RAB3C: variants seen among roughly 807,000 people sequenced by gnomAD.
RAB3C encodes RAB3C, member RAS oncogene family, also known as ras-related protein Rab-3C.
Under a neutral mutation model 26.4 loss-of-function variants are expected in RAB3C, and 17 were observed. The ratio of observed to expected loss-of-function variants is 0.64; its 90% CI spans 0.44 to 0.97. The LOEUF (loss-of-function observed/expected upper bound fraction) is 0.97, where lower values mean the gene tolerates loss of function less well. Among genes scored for constraint, RAB3C ranks in the 50% least tolerant of loss-of-function variants. RAB3C has a pLI of 0.00. For missense variants in RAB3C, 242 were observed against 281.9 expected (o/e 0.86, Z 1.01); for synonymous variants, 91 against 95.9 (o/e 0.95, Z 0.30).
intron 2 of RAB3C, among the ~76,000 whole-genome samples, chr5:58,724,427 A>C (rs1740837899): frequency 6.6e-6 from 1 of 151,722 alleles, no homozygotes; most frequent in South Asian, 2.1e-4. Flanking sequence ...CAATTAAATA[A>C]ACTGAGACTG....
At chr5:58,772,966 A>G (rs1408846064) in intron 3 of RAB3C, among the ~76,000 whole-genome samples, 1 of 152,164 alleles carries the variant, frequency 6.6e-6, no homozygotes, top group Non-Finnish European at 1.5e-5. Flanking sequence ...AACCCAAAAG[A>G]AGCAGGCATT....
chr5:58,605,835 G>T, intron 1 of RAB3C, among the ~76,000 whole-genome samples: 1 of 152,314 alleles, frequency 6.6e-6, no homozygotes, highest in South Asian at 2.1e-4. Context: ...CACCCGGGAG[G>T]TAGAGGTTGC....
At chr5:58,661,287 G>C (rs900968533) in intron 2 of RAB3C, among the ~76,000 whole-genome samples, 2 of 150,000 alleles carry the variant, frequency 1.3e-5, no homozygotes, top group African/African-American at 5.1e-5. Flanking sequence ...ATAAATGACT[G>C]CATCAAAATA....
chr5:58,690,457 A>G (rs1748547427), intron 2 of RAB3C, among the ~76,000 whole-genome samples: 1 of 152,116 alleles, frequency 6.6e-6, no homozygotes, highest in African/African-American at 2.4e-5. Context: ...TGGCTTCTGT[A>G]CTCACATGTC....
At chr5:58,650,843 T>G (rs540256124) in intron 2 of RAB3C, among the ~76,000 whole-genome samples, 1 of 152,120 alleles carries the variant, frequency 6.6e-6, no homozygotes, top group Non-Finnish European at 1.5e-5. Flanking sequence ...TCTTGTACAT[T>G]CCGGTAAGAA....
intron 2 of RAB3C, among the ~76,000 whole-genome samples, chr5:58,679,146 A>G (rs1183711865): frequency 6.6e-6 from 1 of 152,154 alleles, no homozygotes; most frequent in Non-Finnish European, 1.5e-5. Flanking sequence ...GGAGTGGAGG[A>G]AAGGAGGAAA....
rs117401790 is a variant in RAB3C at position 58,657,460 on chromosome 5, C to T, written c.252+39590C>T. On this transcript the variant is annotated intron_variant, in intron 2 of 4. Transcript: ENST00000282878. ...TGACATTTGAGAGAGATCTGAATGA[C>T]GATGTGTGCATCATGTGAAGATTGG... Among the ~76,000 whole-genome samples the T allele has an allele frequency of 3.6e-3, 543 of 151,708 alleles. 21 individuals carry two copies. The East Asian group carries it at 0.093, about 26-fold the overall frequency.
At chr5:58,613,954 C>G (rs1185857322) in intron 1 of RAB3C, among the ~76,000 whole-genome samples, 1 of 152,046 alleles carries the variant, frequency 6.6e-6, no homozygotes, top group East Asian at 1.9e-4. Context: ...GGCTTCTTCA[C>G]AGCATAGTAA....
At chr5:58,620,172 C>A (rs1274224169) in intron 2 of RAB3C, among the ~76,000 whole-genome samples, 2 of 152,284 alleles carry the variant, frequency 1.3e-5, no homozygotes, top group African/African-American at 2.4e-5. Context: ...CCCACACTCC[C>A]ATCAGGGTTC....
chr5:58,664,513 A>G (rs1004656358), intron 2 of RAB3C, among the ~76,000 whole-genome samples: 5 of 152,134 alleles, frequency 3.3e-5, no homozygotes, highest in African/African-American at 1.2e-4. Context: ...TAAAAGGGCA[A>G]CATGAGTAAT....
At chr5:58,715,718 G>C (rs1749156214) in intron 2 of RAB3C, among the ~76,000 whole-genome samples, 2 of 152,220 alleles carry the variant, frequency 1.3e-5, no homozygotes, top group South Asian at 4.1e-4. Context: ...AAATTGTGAA[G>C]AAAGTGTAGT....
At chr5:58,835,962 G>A (rs186930849) in intron 4 of RAB3C, among the ~76,000 whole-genome samples, 2 of 152,278 alleles carry the variant, frequency 1.3e-5, no homozygotes, top group African/African-American at 4.8e-5. Context: ...ACTGGCCAGT[G>A]TTATTTCCTT....
rs113855367 is a variant in RAB3C, at chr5:58,583,223, G to A, written c.15G>A (p.Ala5=). 8 of 1,614,090 alleles carry A rather than the reference G, an allele frequency of 5.0e-6. No homozygotes were observed. Among genetic ancestry groups the A allele is most frequent in the South Asian group, 4.4e-5 (4 of 91,088 alleles). MRHE[A]PMQMASAQDA... is the part of the protein sequence containing the mutation. Reference sequence around the variant, plus strand: ...ATTTGCCAACAATGAGACACGAAGCGCCCATGCAGGTGGGTCCATAAAGAA... The same window carrying A: ...ATTTGCCAACAATGAGACACGAAGCACCCATGCAGGTGGGTCCATAAAGAA... Residue 5 remains alanine, a synonymous_variant, in exon 1 of 5, where the codon GCG becomes GCA. Coordinates refer to ENST00000282878, the MANE Select transcript of RAB3C (RefSeq NM_138453.4).
intron 2 of RAB3C, 42 bp from the exon 3 acceptor site, chr5:58,725,960 G>T (rs1182994347): frequency 2.6e-6 from 3 of 1,164,540 alleles, no homozygotes; most frequent in Non-Finnish European, 3.7e-6. Context: ...AAAATGTATT[G>T]CCTTATTTCT....
intron 3 of RAB3C, among the ~76,000 whole-genome samples, chr5:58,801,055 C>T (rs1265592619): frequency 6.6e-6 from 1 of 152,162 alleles, no homozygotes; most frequent in Admixed American, 6.5e-5. Context: ...GCCCCCGCCC[C>T]AAAAGAGACT....
At chr5:58,694,858 A>C (rs1301662639) in intron 2 of RAB3C, among the ~76,000 whole-genome samples, 1 of 151,938 alleles carries the variant, frequency 6.6e-6, no homozygotes, top group Non-Finnish European at 1.5e-5. Context: ...AGATTGCAAA[A>C]ATTTTCTCCC....
intron 4 of RAB3C, among the ~76,000 whole-genome samples, chr5:58,844,112 AG>A (rs1238106357): frequency 2.6e-5 from 4 of 152,310 alleles, no homozygotes; most frequent in Admixed American, 1.3e-4. Flanking sequence ...CGTAGTATGG[AG>A]GTGGTCAAGG....
chr5:58,768,655 A>T (rs1044494141), intron 3 of RAB3C, among the ~76,000 whole-genome samples: 1 of 152,010 alleles, frequency 6.6e-6, no homozygotes, highest in Non-Finnish European at 1.5e-5. Context: ...TATGAAGATT[A>T]TGGGAGATGG....
chr5:58,644,902 GCCTGTC>G (rs1747487105), intron 2 of RAB3C, among the ~76,000 whole-genome samples: 1 of 152,204 alleles, frequency 6.6e-6, no homozygotes, highest in Non-Finnish European at 1.5e-5. Flanking sequence ...AGTGAGAACA[GCCTGTC>G]CCTTAAGCAG....
Sources: allele counts gnomAD v4.1 joint callset (sites outside exome capture counted in the v4.1 genomes callset), GRCh38; gene constraint gnomAD v4.1.1; transcripts MANE v1.5; gene names NCBI Gene and HGNC (gene_info 2026-07-23, HGNC 2026-07-21).